BCL11A: variants seen among roughly 807,000 people sequenced by gnomAD.
The protein encoded by BCL11A is B cell CLL/lymphoma 11A.
A neutral mutation model predicts 55.9 loss-of-function variants in BCL11A; 2 were observed. That is an observed-to-expected ratio of 0.04 (90% CI 0.01 to 0.11). BCL11A has a LOEUF of 0.11. BCL11A is among the 10% of genes least tolerant of loss of function. The pLI is 1.00. For synonymous variants in BCL11A, 465 were observed against 473.4 expected, an observed-to-expected ratio of 0.98 and a Z score of 0.23; for missense variants, 817 against 1,137.1, an observed-to-expected ratio of 0.72 and a Z score of 4.05.
chr2:60,521,425 A>G (rs549314474), intron 2 of BCL11A, among the ~76,000 whole-genome samples: 41 of 152,334 alleles, frequency 2.7e-4, no homozygotes, highest in African/African-American at 7.5e-4. Context: ...GCTTCCAGGC[A>G]GCAGATACGG....
At chr2:60,512,169 C>G (rs1034483988) in intron 2 of BCL11A, among the ~76,000 whole-genome samples, 2 of 152,208 alleles carry the variant, frequency 1.3e-5, no homozygotes, top group African/African-American at 2.4e-5. Flanking sequence ...CTCACCACCC[C>G]TGGAGAGCAG....
chr2:60,494,789 T>A (rs1678851150), intron 2 of BCL11A, among the ~76,000 whole-genome samples: 1 of 152,218 alleles, frequency 6.6e-6, no homozygotes, highest in South Asian at 2.1e-4. Context: ...AAATGCTGCC[T>A]CCTGGTATTT....
At chr2:60,538,236 TAA>T (rs1370542947) in intron 2 of BCL11A, 1 of 152,236 alleles carries the variant, frequency 6.6e-6, no homozygotes, top group Admixed American at 6.5e-5. Context: ...TTTATCTATC[TAA>T]AGAGATCAAA....
intron 2 of BCL11A, among the ~76,000 whole-genome samples, chr2:60,517,174 G>A (rs1234821076): frequency 6.6e-6 from 1 of 152,214 alleles, no homozygotes; most frequent in Non-Finnish European, 1.5e-5. Context: ...CTAGGGTGGT[G>A]AGGAAGAGGT....
At chr2:60,479,597 C>A (rs955495593) in intron 2 of BCL11A, among the ~76,000 whole-genome samples, 1 of 152,260 alleles carries the variant, frequency 6.6e-6, no homozygotes, top group Admixed American at 6.5e-5. Context: ...CCATCGCACT[C>A]AAACCCTGTC....
At chr2:60,485,383 T>G (rs2104241235) in intron 2 of BCL11A, among the ~76,000 whole-genome samples, 1 of 152,402 alleles carries the variant, frequency 6.6e-6, no homozygotes, top group South Asian at 2.1e-4. Context: ...CCCATGCCTC[T>G]ACGGCCATGT....
chr2:60,467,159 G>GTGGTGA (rs1676701698), intron 3 of BCL11A, among the ~76,000 whole-genome samples: 1 of 128,682 alleles, frequency 7.8e-6, no homozygotes, highest in East Asian at 2.3e-4. Context: ...GGTGGTGGTG[G>GTGGTGA]TGGTGGTGAT....
chr2:60,461,523 G>A lies in BCL11A; in HGVS notation c.1389C>T (p.Leu463=), dbSNP rs761851690. 6 of 1,608,026 alleles carry A rather than the reference G, an allele frequency of 3.7e-6. No homozygotes were observed. The highest frequency in any genetic ancestry group is 5.1e-6 in the Non-Finnish European group (6 of 1,179,978). The part of the protein sequence containing the change: ...SDLVGSASSA[L]KSVVAKFKSE... Reference sequence around the variant, plus strand: ...TCTTGAACTTGGCCACCACGGACTTGAGCGCGCTGCTGGCGCTGCCCACCA... The same window carrying A: ...TCTTGAACTTGGCCACCACGGACTTAAGCGCGCTGCTGGCGCTGCCCACCA... The change falls in exon 4 of 4, where the codon CTC becomes CTT. Residue 463 remains leucine, a synonymous_variant. Coordinates refer to ENST00000642384, the MANE Select transcript of BCL11A (RefSeq NM_022893.4).
At chr2:60,491,828 C>T (rs1471364516) in intron 2 of BCL11A, among the ~76,000 whole-genome samples, 4 of 152,266 alleles carry the variant, frequency 2.6e-5, no homozygotes, top group Admixed American at 6.5e-5. Flanking sequence ...CAGGCACAGA[C>T]GTTTTCCATG....
exon 5 of BCL11A, chr2:60,451,741 T>C (rs1448596597): frequency 4.3e-6 from 1 of 230,430 alleles, no homozygotes; most frequent in African/African-American, 2.2e-5. Context: ...AGTGATGTTC[T>C]TTCCTAAGCT....
chr2:60,512,819 C>T (rs768719078), intron 2 of BCL11A, among the ~76,000 whole-genome samples: 5 of 152,088 alleles, frequency 3.3e-5, no homozygotes, highest in Admixed American at 6.5e-5. Flanking sequence ...CCTCTGATGA[C>T]GGATAGGAGA....
intron 2 of BCL11A, among the ~76,000 whole-genome samples, chr2:60,498,089 T>C (rs1399759058): frequency 6.6e-6 from 1 of 151,892 alleles, no homozygotes; most frequent in African/African-American, 2.4e-5. Flanking sequence ...GACATCACTC[T>C]TAGCAGGGCT....
At chr2:60,508,686 A>G (rs1488334690) in intron 2 of BCL11A, 3 of 152,284 alleles carry the variant, frequency 2.0e-5, no homozygotes, top group African/African-American at 7.2e-5. Context: ...AGCTTGGCCC[A>G]GGAAGAAGCT....
downstream of BCL11A, chr2:60,452,701 A>C: frequency 6.5e-7 from 1 of 1,528,590 alleles, no homozygotes; most frequent in Non-Finnish European, 9.1e-7. Context: ...AGGGGGAAAA[A>C]AAAAGTACAG....
downstream of BCL11A, among the ~76,000 whole-genome samples, chr2:60,455,661 G>T (rs1018262870): frequency 1.3e-5 from 2 of 152,122 alleles, no homozygotes; most frequent in South Asian, 2.1e-4. Flanking sequence ...TGTCTGTCAG[G>T]ATGCAAAACC....
chr2:60,491,037 G>C (rs1248893860), intron 2 of BCL11A, among the ~76,000 whole-genome samples: 4 of 152,084 alleles, frequency 2.6e-5, no homozygotes, highest in Non-Finnish European at 5.9e-5. Flanking sequence ...CCCTGGAGAA[G>C]AGCAAATGTG....
chr2:60,534,791 C>T (rs1669600072), intron 2 of BCL11A: 1 of 152,196 alleles, frequency 6.6e-6, no homozygotes, highest in Non-Finnish European at 1.5e-5. Flanking sequence ...AGCTAATACA[C>T]AAAACATGAT....
chr2:60,528,943 T>A (rs1357961062), intron 2 of BCL11A, among the ~76,000 whole-genome samples: 1 of 152,116 alleles, frequency 6.6e-6, no homozygotes, highest in African/African-American at 2.4e-5. Flanking sequence ...AGAGGTGAAA[T>A]GATTCCCTCA....
chr2:60,530,471 G>A (rs557051446), intron 2 of BCL11A, among the ~76,000 whole-genome samples: 4 of 151,886 alleles, frequency 2.6e-5, no homozygotes, highest in Non-Finnish European at 4.4e-5. Flanking sequence ...TCTGGCCCTC[G>A]GGTTACTGGC....
Sources: gnomAD v4.1 joint callset for allele counts (sites outside exome capture counted in the v4.1 genomes callset) on GRCh38, gnomAD v4.1.1 for gene constraint, MANE v1.5 for transcripts, NCBI Gene and HGNC (gene_info 2026-07-23, HGNC 2026-07-21) for gene names.